MAP4K1: variants seen among roughly 807,000 people sequenced by gnomAD.
MAP4K1 encodes the protein mitogen-activated protein kinase kinase kinase kinase 1, also known as MAPK/ERK kinase kinase kinase 1.
Under a neutral mutation model 122.8 loss-of-function variants are expected in MAP4K1, and 35 were observed. The observed-to-expected ratio is 0.29, with a 90% CI of 0.22 to 0.38. The LOEUF is 0.38. MAP4K1 is among the 10% of genes least tolerant of loss of function. The pLI is 1.00. For synonymous variants in MAP4K1, 412 were observed against 421.3 expected, an observed-to-expected ratio of 0.98 and a Z score of 0.27; for missense variants, 791 against 1,072.6, an observed-to-expected ratio of 0.74 and a Z score of 3.67.
chr19:38,605,503 TAGG>T lies in MAP4K1; in HGVS notation c.1364-15_1364-13del. The T allele has an allele frequency of 6.4e-7, 1 of 1,567,204 alleles. No individual in the cohort carries two copies. The highest frequency in any genetic ancestry group is 1.2e-5 in the South Asian group (1 of 84,888). On this transcript the variant is annotated splice_polypyrimidine_tract_variant and intron_variant, in intron 18 of 30. Transcript: ENST00000396857. The stretch of plus-strand genomic sequence containing the variant: ...CCAGAGTGAGGGTTCTGAGAGGGGT[TAGG>T]AGAAAATCAGCCCCCAAGAACCCCC...
Position 38,596,387 on chromosome 19 carries a change from G to T in MAP4K1, c.2041C>A (p.Arg681=). 6.3e-7 allele frequency: 1 copy of T among 1,597,872 alleles called. No individual in the cohort carries two copies. The highest frequency in any genetic ancestry group is 8.5e-7 in the Non-Finnish European group (1 of 1,175,290). ...PAVCIGVSPG[R]PGKSVLFHTV... ...TGGAAGAGCACCGACTTCCCCGGCC[G>T]CCCGGGGCTCACGCCGATGCACACA... Residue 681 remains arginine (R), a synonymous_variant, in exon 26 of 31, where the codon CGG becomes AGG. Coordinates refer to ENST00000396857, the MANE Select transcript of MAP4K1 (RefSeq NM_001042600.3).
chr19:38,597,136 C>A lies in MAP4K1; in HGVS notation c.1839G>T (p.Ala613=), dbSNP rs200433980. Residue 613 remains alanine (A), a splice_region_variant and synonymous_variant, in exon 25 of 31, where the codon GCG becomes GCT. Transcript: ENST00000396857. The surrounding 1 kb of genome is among the most constrained non-coding windows in gnomAD (Gnocchi z 4.6). ...ACGGGCCCCCAGAGCTCGCACCCTC[C>A]GCTGTGGCATGGGCAAGGATGAGTC... ...DTKGCRACCV[A]EGASSGGPFL... 25 of 1,614,016 alleles carry A rather than the reference C, an allele frequency of 1.5e-5. No homozygotes were observed. The highest frequency in any genetic ancestry group is 2.0e-5 in the Non-Finnish European group (24 of 1,179,990).
chr19:38,607,609 G>A (rs559401390), intron 16 of MAP4K1, among the ~76,000 whole-genome samples: 59 of 151,720 alleles, frequency 3.9e-4, no homozygotes, highest in African/African-American at 1.4e-3. Flanking sequence ...GAAGGAAAGT[G>A]GGAGCTGGAG....
At chr19:38,589,239 G>T (rs1326877284) in intron 30 of MAP4K1, 2 of 182,240 alleles carry the variant, frequency 1.1e-5, no homozygotes. Context: ...GGAGGAGGAG[G>T]TTGCAGTGAG....
chr19:38,603,709 C>A (rs936721772), intron 19 of MAP4K1, among the ~76,000 whole-genome samples: 1 of 151,984 alleles, frequency 6.6e-6, no homozygotes, highest in Non-Finnish European at 1.5e-5. Context: ...CTGGGCCGGG[C>A]GCGGTGGCTC....
chr19:38,589,333 A>G (rs767583502), intron 30 of MAP4K1: 12 of 254,156 alleles, frequency 4.7e-5, no homozygotes, highest in Non-Finnish European at 4.8e-5. Flanking sequence ...ACAAAAAACA[A>G]TAAAACTAGT....
At chr19:38,607,820 G>A in intron 16 of MAP4K1, 44 bp downstream of exon 16, 2 of 1,599,950 alleles carry the variant, frequency 1.3e-6, no homozygotes, top group African/African-American at 2.7e-5. Flanking sequence ...GGAAGGTGGG[G>A]GCTGAGGTGG....
chr19:38,595,930 G>A lies in MAP4K1; in HGVS notation c.2179+9C>T, dbSNP rs761798627. 5 of 1,613,398 alleles carry A rather than the reference G, an allele frequency of 3.1e-6. No individual in the cohort carries two copies. Among genetic ancestry groups the A allele is most frequent in the Admixed American group, 3.3e-5 (2 of 59,984 alleles). On this transcript the variant is annotated intron_variant, in intron 27 of 30. Transcript: ENST00000396857. Reference sequence around the variant, plus strand: ...GGTGGGGAGGAAGGGGAGGAAGGAGGGTTCTCACCATCCATCAACACCATC... The same window carrying A: ...GGTGGGGAGGAAGGGGAGGAAGGAGAGTTCTCACCATCCATCAACACCATC...
At chr19:38,614,588 G>A in intron 4 of MAP4K1, 143 bp from the exon 5 acceptor site, 1 of 838,036 alleles carries the variant, frequency 1.2e-6, no homozygotes, top group South Asian at 1.5e-5. Flanking sequence ...GGGAGATGGT[G>A]GGGTGGTCAG....
At chr19:38,613,844 C>A (rs749986966) in intron 8 of MAP4K1, 36 bp downstream of exon 8, 16 of 1,543,992 alleles carry the variant, frequency 1.0e-5, no homozygotes, top group South Asian at 2.3e-5. Context: ...CACTGACCCC[C>A]ACTCCACCCC....
At chr19:38,589,699 G>C (rs1974647448) in intron 30 of MAP4K1, among the ~76,000 whole-genome samples, 1 of 152,118 alleles carries the variant, frequency 6.6e-6, no homozygotes, top group Non-Finnish European at 1.5e-5. Context: ...ACAGGCGTGA[G>C]CCACCGCGCC....
At chr19:38,606,335 G>T in intron 16 of MAP4K1, 120 bp from the exon 17 acceptor site, 1 of 594,636 alleles carries the variant, frequency 1.7e-6, no homozygotes, top group South Asian at 2.1e-5. Context: ...ATTAAGGGAT[G>T]ACTGGTTCTG....
In MAP4K1 at chr19:38,589,666, C is replaced by T. The variant is rs558876620; in HGVS notation, c.2397-1849G>A. Among the ~76,000 whole-genome samples the T allele has an allele frequency of 7.9e-5, 12 of 152,208 alleles. No individual in the cohort carries two copies. In the South Asian group the frequency reaches 2.5e-3, roughly 32 times the overall value. On this transcript the variant is annotated intron_variant, in intron 30 of 30. Coordinates refer to ENST00000396857, the MANE Select transcript of MAP4K1 (RefSeq NM_001042600.3). ...CCGACCTCAGGTGATCCACCTGCCT[C>T]GGCCTCCCAAAGTGCTGGGATTACA...
intron 9 of MAP4K1, 150 bp from the exon 10 acceptor site, chr19:38,611,455 G>A: frequency 1.5e-6 from 1 of 652,164 alleles, no homozygotes; most frequent in Non-Finnish European, 2.8e-6. Context: ...GCACCAGGGT[G>A]CCTCTCCTAA....
chr19:38,605,599 G>A lies in MAP4K1; in HGVS notation c.1332C>T (p.Ser444=), dbSNP rs745719199. 90 of 1,557,454 alleles carry A rather than the reference G, an allele frequency of 5.8e-5. No individual in the cohort carries two copies. In the East Asian group the frequency reaches 1.8e-3, roughly 32 times the overall value. The change falls in exon 18 of 31, where the codon TCC becomes TCT. Residue 444 remains serine, a synonymous_variant. Transcript: ENST00000396857. Reference sequence around the variant, plus strand: ...GGGCGGTGAGGTGGGGGCTGCTGGTGGATGGGGGAGGCCCAGGACGGGGGC... The same window carrying A: ...GGGCGGTGAGGTGGGGGCTGCTGGTAGATGGGGGAGGCCCAGGACGGGGGC... ...PNSPRPGPPP[S]TSSPHLTAHS... is the part of the protein sequence containing the mutation.
chr19:38,608,154 G>A lies in MAP4K1; in HGVS notation c.1023C>T (p.Phe341=), dbSNP rs1975387335. The A allele has an allele frequency of 6.6e-7, 1 of 1,525,164 alleles. No individual in the cohort carries two copies. Among genetic ancestry groups the A allele is most frequent in the Non-Finnish European group, 8.8e-7 (1 of 1,138,860 alleles). 94.5% of individuals were successfully genotyped at this position (1,525,164 alleles called of 1,614,324 possible). ...DADCCRRHME[F]RKLRGMETRP... ...TGGTCTCCATTCCTCGGAGCTTCCT[G>A]AACTCCATGTGCCGCCCTAGGGTGG... The change falls in exon 14 of 31, where the codon TTC becomes TTT. Residue 341 remains phenylalanine, a synonymous_variant. Coordinates refer to ENST00000396857, the MANE Select transcript of MAP4K1 (RefSeq NM_001042600.3).
At chr19:38,596,270 ATC>A in intron 26 of MAP4K1, 40 bp downstream of exon 26, 1 of 1,502,680 alleles carries the variant, frequency 6.7e-7, no homozygotes, top group Non-Finnish European at 8.9e-7. Context: ...GCCCCTCCGG[ATC>A]TGATAAGCCC....
intron 20 of MAP4K1, among the ~76,000 whole-genome samples, chr19:38,600,519 C>G (rs1975028655): frequency 6.6e-6 from 1 of 152,098 alleles, no homozygotes; most frequent in South Asian, 2.1e-4. Flanking sequence ...CCTTCAAACT[C>G]AGACACCCCC....
chr19:38,589,932 A>C (rs1407866623), intron 30 of MAP4K1, among the ~76,000 whole-genome samples: 1 of 151,840 alleles, frequency 6.6e-6, no homozygotes, highest in African/African-American at 2.4e-5. Flanking sequence ...CGGGAGGTTG[A>C]GGTGGGAGGA....
Sources: allele counts gnomAD v4.1 joint callset (sites outside exome capture counted in the v4.1 genomes callset), GRCh38; gene constraint gnomAD v4.1.1; non-coding constraint Gnocchi (gnomAD v3.1); transcripts MANE v1.5; gene names NCBI Gene and HGNC (gene_info 2026-07-23, HGNC 2026-07-21).